Variants in KIAA1671 observed in about 807,000 individuals in gnomAD.
The protein encoded by KIAA1671 is uncharacterized protein KIAA1671.
In KIAA1671, 52 loss-of-function variants were observed where a neutral mutation model predicts 131.2. The ratio of observed to expected loss-of-function variants is 0.40; its 90% CI spans 0.32 to 0.50. The LOEUF (loss-of-function observed/expected upper bound fraction) is 0.50, where lower values mean the gene tolerates loss of function less well. Among genes scored for constraint, KIAA1671 ranks in the 20% least tolerant of loss-of-function variants. KIAA1671 has a pLI of 0.73. For synonymous variants in KIAA1671, 1,003 were observed against 961.6 expected (o/e 1.04, Z -0.80); for missense variants, 2,360 against 2,364.2 (o/e 1.00, Z 0.04).
At position 25,028,702 on chromosome 22, in the gene KIAA1671, A is replaced by G. The variant is rs1926102264; in HGVS notation, c.703A>G (p.Arg235Gly). ...CACGGCACGCCCCCTTGTGGAGCCCAGGCCTCGCCTGAAGAGAAGGCCCGT... is the reference window on the plus strand; with the variant it reads ...CACGGCACGCCCCCTTGTGGAGCCCGGGCCTCGCCTGAAGAGAAGGCCCGT... ...EDTARPLVEP[R>G]PRLKRRPVSA... The change falls in exon 3 of 13, where the codon AGG (arginine) becomes GGG (glycine). Residue 235 changes from arginine (R) to glycine (G), a missense_variant. This residue lies in a region of KIAA1671 where 1,185 missense variants were observed against 1,126.2 expected (regional missense o/e 1.05). Coordinates refer to ENST00000358431, the MANE Select transcript of KIAA1671 (RefSeq NM_001145206.2). 1.9e-6 allele frequency: 3 copies of G among 1,551,214 alleles called. No homozygotes were observed. In the Admixed American group the frequency reaches 5.9e-5, roughly 30 times the overall value.
intron 9 of KIAA1671, chr22:25,179,508 C>A (rs529001626): frequency 2.5e-6 from 4 of 1,609,728 alleles, no homozygotes; most frequent in Non-Finnish European, 3.4e-6. Flanking sequence ...ACCTCCCGCT[C>A]GTGCTCGCGC....
chr22:25,025,610 G>A (rs1925909505), intron 1 of KIAA1671, 23 bp from the exon 2 acceptor site: 2 of 152,206 alleles, frequency 1.3e-5, no homozygotes, highest in Non-Finnish European at 2.9e-5. Flanking sequence ...CGGAACTGAG[G>A]CTGTCATCCT....
At chr22:25,139,262 G>A (rs1009060849) in intron 6 of KIAA1671, among the ~76,000 whole-genome samples, 3 of 152,228 alleles carry the variant, frequency 2.0e-5, no homozygotes, top group Non-Finnish European at 2.9e-5. Flanking sequence ...GGCTCACCCT[G>A]GGAAGGCTGC....
At chr22:25,162,392 T>C (rs1397409845) in intron 6 of KIAA1671, among the ~76,000 whole-genome samples, 1 of 152,214 alleles carries the variant, frequency 6.6e-6, no homozygotes, top group East Asian at 1.9e-4. Flanking sequence ...CTGGAATCTC[T>C]CAGAACTGCT....
chr22:25,141,399 A>AT (rs11385849), intron 6 of KIAA1671, among the ~76,000 whole-genome samples: 44,839 of 151,130 alleles, frequency 0.3, 6,593 homozygotes, highest in South Asian at 0.37. Context: ...CACCTGGCTA[A>AT]TTTTTTGTAT....
chr22:25,027,733 C>T (rs1005592826), intron 2 of KIAA1671, among the ~76,000 whole-genome samples: 6 of 152,146 alleles, frequency 3.9e-5, no homozygotes, highest in African/African-American at 1.2e-4. Flanking sequence ...GGAGCTGGAA[C>T]GAACTTCAGG....
intron 3 of KIAA1671, among the ~76,000 whole-genome samples, chr22:25,032,188 AG>A (rs2145793266): frequency 6.6e-6 from 1 of 152,308 alleles, no homozygotes; most frequent in East Asian, 1.9e-4. Context: ...TGCTAACAAC[AG>A]CCATTCATTA....
intron 6 of KIAA1671, among the ~76,000 whole-genome samples, chr22:25,068,650 A>G (rs1928629475): frequency 6.6e-6 from 1 of 152,046 alleles, no homozygotes; most frequent in South Asian, 2.1e-4. Context: ...GTTAGCCAGG[A>G]TGGTCTCGAT....
In KIAA1671 at chr22:25,039,122, C is replaced by T. The variant is rs1404064019; in HGVS notation, c.1992C>T (p.Asp664=). The change falls in exon 5 of 13, where the codon GAC becomes GAT. Residue 664 remains aspartate, a synonymous_variant. Transcript: ENST00000358431. The stretch of plus-strand genomic sequence containing the variant: ...CTTGGCTGGGCAGGGACCCACCAGA[C>T]ATGACAAAACTGAAGAAAGAGAACT... The part of the protein sequence containing the change: ...MGSWLGRDPP[D]MTKLKKENSR... The T allele has an allele frequency of 2.6e-6, 4 of 1,551,514 alleles. No homozygotes were observed. Among genetic ancestry groups the T allele is most frequent in the Non-Finnish European group, 3.5e-6 (4 of 1,147,016 alleles).
chr22:25,147,061 G>T (rs1932892079), intron 6 of KIAA1671, among the ~76,000 whole-genome samples: 1 of 152,162 alleles, frequency 6.6e-6, no homozygotes, highest in African/African-American at 2.4e-5. Context: ...GAGAGAGGGA[G>T]GGAGGGTGAG....
chr22:25,067,285 CTT>C (rs143854749), intron 6 of KIAA1671, among the ~76,000 whole-genome samples: 35,764 of 151,676 alleles, frequency 0.24, 4,312 homozygotes, highest in South Asian at 0.31. Context: ...TTGAACGTCT[CTT>C]TTTATTCTTA....
intron 1 of KIAA1671, among the ~76,000 whole-genome samples, chr22:24,979,346 A>ATTTT (rs199628002): frequency 7.7e-5 from 10 of 130,616 alleles, no homozygotes; most frequent in East Asian, 7.6e-4. Flanking sequence ...TTATTTATTT[A>ATTTT]TTTATTTATT....
At chr22:25,145,982 C>G (rs1015057338) in intron 6 of KIAA1671, among the ~76,000 whole-genome samples, 3 of 151,904 alleles carry the variant, frequency 2.0e-5, no homozygotes, top group Middle Eastern at 3.5e-3. Context: ...TGGATTAATG[C>G]TGAATACCAT....
At chr22:25,069,984 T>G (rs1207878297) in intron 6 of KIAA1671, 2 of 190,696 alleles carry the variant, frequency 1.0e-5, no homozygotes, top group South Asian at 1.9e-4. Context: ...CACATTCAGT[T>G]CCCGGGCATC....
At chr22:25,007,928 G>A (rs1431581943) in intron 1 of KIAA1671, among the ~76,000 whole-genome samples, 1 of 152,054 alleles carries the variant, frequency 6.6e-6, no homozygotes, top group Non-Finnish European at 1.5e-5. Context: ...AGGCACGGTG[G>A]CTCACGTCTG....
chr22:25,122,590 G>C (rs1478131281), intron 6 of KIAA1671, among the ~76,000 whole-genome samples: 2 of 152,158 alleles, frequency 1.3e-5, no homozygotes, highest in South Asian at 2.1e-4. Flanking sequence ...TTCCATCTCA[G>C]CTTGCCCTTG....
chr22:25,039,961 T>TA lies in KIAA1671; in HGVS notation c.2831_2832insA (p.Met944IlefsTer16). On this transcript the variant is annotated frameshift_variant, in exon 5 of 13. Transcript: ENST00000358431. LOFTEE classifies it high-confidence loss of function. ...AAAGCCGGCGCCATGGACCAGAGAA[T>TA]GGACAGATGGCGGCGGCGGACTTTA... 6.4e-7 allele frequency: 1 copy of TA among 1,551,292 alleles called. No homozygotes were observed. The highest frequency in any genetic ancestry group is 1.2e-5 in the South Asian group (1 of 84,014).
intron 1 of KIAA1671, among the ~76,000 whole-genome samples, chr22:24,979,168 G>GTGTTTT (rs1602040663): frequency 2.6e-5 from 2 of 76,836 alleles, no homozygotes; most frequent in South Asian, 8.8e-4. Context: ...GCTAATTTTT[G>GTGTTTT]TATTTTTTTT....
At chr22:25,087,667 G>A (rs868635271) in intron 6 of KIAA1671, among the ~76,000 whole-genome samples, 49 of 152,310 alleles carry the variant, frequency 3.2e-4, no homozygotes, top group South Asian at 6.2e-4. Context: ...GTCTCAGGTC[G>A]GGTTCCCAGA....
Sources: gnomAD v4.1 joint callset for allele counts (sites outside exome capture counted in the v4.1 genomes callset) on GRCh38, gnomAD v4.1.1 for gene constraint, gnomAD v4.1.1 regional missense constraint, MANE v1.5 for transcripts, NCBI Gene and HGNC (gene_info 2026-07-23, HGNC 2026-07-21) for gene names.